The following ATP9A variants were observed in gnomAD, a reference collection of about 807,000 sequenced individuals.
The protein encoded by ATP9A is probable phospholipid-transporting ATPase IIA.
Under a neutral mutation model 144.1 loss-of-function variants are expected in ATP9A, and 52 were observed. The ratio of observed to expected loss-of-function variants is 0.36; its 90% CI spans 0.29 to 0.45. The LOEUF (loss-of-function observed/expected upper bound fraction) is 0.45. ATP9A is among the 20% of genes least tolerant of loss of function. The probability of loss-of-function intolerance (pLI) is 1.00; values close to 1 mark genes in which losing one functional copy is unlikely to be tolerated. For missense variants in ATP9A, 947 were observed against 1,392.7 expected, an observed-to-expected ratio of 0.68 and a Z score of 5.09; for synonymous variants, 582 against 557.4, an observed-to-expected ratio of 1.04 and a Z score of -0.62.
At chr20:51,641,540 C>T (rs371156002) in intron 14 of ATP9A, among the ~76,000 whole-genome samples, 3 of 150,018 alleles carry the variant, frequency 2.0e-5, no homozygotes, top group Non-Finnish European at 3.0e-5. Flanking sequence ...TAGAGCCGGG[C>T]GCGGTGGCTC....
intron 19 of ATP9A, among the ~76,000 whole-genome samples, chr20:51,620,792 G>A (rs375458935): frequency 1.3e-5 from 2 of 152,156 alleles, no homozygotes; most frequent in Non-Finnish European, 2.9e-5. Context: ...CTGAAAGGAG[G>A]GGGGAGTGCG....
chr20:51,726,889 C>CTTTTTTTTTTTTTTTTTTTTTTTTTTTT (rs55719132), intron 2 of ATP9A, among the ~76,000 whole-genome samples: 1 of 93,984 alleles, frequency 1.1e-5, no homozygotes, highest in Non-Finnish European at 2.0e-5. Context: ...TGTGTTATTT[C>CTTTTTTTTTTTTTTTTTTTTTTTTTTTT]TTTTTTTTTT....
chr20:51,715,840 G>A (rs565293475), intron 3 of ATP9A, among the ~76,000 whole-genome samples: 1 of 152,324 alleles, frequency 6.6e-6, no homozygotes, highest in African/African-American at 2.4e-5. Flanking sequence ...AATGGGCAGG[G>A]GAAGGGGGGC....
At position 51,597,530 on chromosome 20, in the gene ATP9A, T is replaced by C. The variant is rs954782032; in HGVS notation, c.*3681A>G. ...TAGATGACATCATTCTCTCGCTCTT[T>C]CACACACACACACACCCCCCACACA... On this transcript the variant is annotated 3_prime_UTR_variant, in exon 28 of 28. Transcript: ENST00000338821. 1.3e-5 allele frequency: 2 copies of C among 151,364 alleles called. No individual in the cohort carries two copies. The highest frequency in any genetic ancestry group is 4.8e-5 in the African/African-American group (2 of 41,246). 9.4% of individuals were successfully genotyped at this position (151,364 alleles called of 1,614,324 possible). A position where few individuals can be genotyped will look rare whatever the true frequency, so the allele number is the denominator to read the frequency against.
At chr20:51,765,127 A>C (rs2077898032) in intron 1 of ATP9A, among the ~76,000 whole-genome samples, 1 of 152,014 alleles carries the variant, frequency 6.6e-6, no homozygotes, top group South Asian at 2.1e-4. Context: ...ATTACATATT[A>C]CTTTTTTCTT....
At chr20:51,605,936 C>T (rs2122706041) in intron 26 of ATP9A, among the ~76,000 whole-genome samples, 1 of 151,484 alleles carries the variant, frequency 6.6e-6, no homozygotes, top group South Asian at 2.1e-4. Flanking sequence ...AGAATAAACC[C>T]CAATAGGAGA....
chr20:51,642,409 C>A lies in ATP9A; in HGVS notation c.1507-2905G>T, dbSNP rs115986379. Among the ~76,000 whole-genome samples, 667 of 152,156 alleles carry A rather than the reference C, an allele frequency of 4.4e-3. 6 individuals carry two copies. The highest frequency in any genetic ancestry group is 0.015 in the African/African-American group (615 of 41,506). On this transcript the variant is annotated intron_variant, in intron 14 of 27. Transcript: ENST00000338821. ...ATCTCAAGTGATCCACCTGCTTCAA[C>A]CTCCCTCCCAAAGTGCTGGGATTAC...
intron 1 of ATP9A, among the ~76,000 whole-genome samples, chr20:51,747,078 A>T: frequency 6.7e-6 from 1 of 149,692 alleles, no homozygotes; most frequent in Non-Finnish European, 1.5e-5. Flanking sequence ...TTCTAAATAC[A>T]TCTAAGGTCT....
intron 20 of ATP9A, 69 bp from the exon 21 acceptor site, chr20:51,618,875 G>T: frequency 6.3e-7 from 1 of 1,589,682 alleles, no homozygotes; most frequent in Non-Finnish European, 8.6e-7. Context: ...GGTCGCTGCC[G>T]AGCCTGCAGT....
At chr20:51,664,161 TGA>T (rs1217375683) in intron 13 of ATP9A, among the ~76,000 whole-genome samples, 4 of 150,706 alleles carry the variant, frequency 2.7e-5, no homozygotes, top group Non-Finnish European at 5.9e-5. Flanking sequence ...ATTACAGGCA[TGA>T]GCTACCACGC....
rs766640594 is a variant in ATP9A at position 51,622,191 on chromosome 20, AGAGGTCC to A, written c.2017-26_2017-20del. ...TCCAAACCTGAAATCATGGCGTGAC[AGAGGTCC>A]TGTTTATTAGTTTTTGAGGCCGGCC... On this transcript the variant is annotated intron_variant, in intron 18 of 27. Transcript: ENST00000338821. The A allele has an allele frequency of 6.2e-7, 1 of 1,607,826 alleles. No homozygotes were observed. Among genetic ancestry groups the A allele is most frequent in the South Asian group, 1.1e-5 (1 of 90,918 alleles).
At chr20:51,603,046 C>A (rs1223924564) in intron 27 of ATP9A, among the ~76,000 whole-genome samples, 1 of 147,382 alleles carries the variant, frequency 6.8e-6, no homozygotes, top group East Asian at 2.0e-4. Context: ...AGGTTTCCCA[C>A]GGAGGATGGG....
intron 22 of ATP9A, among the ~76,000 whole-genome samples, chr20:51,617,283 A>C (rs976534398): frequency 8.5e-5 from 13 of 152,166 alleles, no homozygotes; most frequent in African/African-American, 3.1e-4. Flanking sequence ...AGGTCGTGGC[A>C]AACAAAAAGC....
At chr20:51,690,232 A>G (rs990629901) in intron 8 of ATP9A, among the ~76,000 whole-genome samples, 2 of 151,836 alleles carry the variant, frequency 1.3e-5, no homozygotes, top group East Asian at 1.9e-4. Context: ...CATCCTGGCT[A>G]ACACCGTGAA....
chr20:51,602,176 C>T (rs753513449), intron 27 of ATP9A, among the ~76,000 whole-genome samples: 9 of 151,634 alleles, frequency 5.9e-5, no homozygotes, highest in East Asian at 1.9e-4. Context: ...GTGGGGGGGG[C>T]GGGCGTACTG....
chr20:51,727,432 A>G (rs1349915225), intron 2 of ATP9A, among the ~76,000 whole-genome samples: 1 of 151,980 alleles, frequency 6.6e-6, no homozygotes, highest in African/African-American at 2.4e-5. Context: ...CAAAAAATAC[A>G]AATATTAGCC....
intron 19 of ATP9A, among the ~76,000 whole-genome samples, chr20:51,621,839 G>A (rs535475767): frequency 3.3e-5 from 5 of 152,154 alleles, no homozygotes; most frequent in African/African-American, 9.7e-5. Flanking sequence ...AAGGTTAAGA[G>A]CATGGCATTA....
At position 51,630,443 on chromosome 20, in the gene ATP9A, C is replaced by G. The variant is rs149675440; in HGVS notation, c.1669-1371G>C. On this transcript the variant is annotated intron_variant, in intron 15 of 27. Coordinates refer to ENST00000338821, the MANE Select transcript of ATP9A (RefSeq NM_006045.3). The stretch of plus-strand genomic sequence containing the variant: ...TCAAGCTGGGTGTGGTGGCTCACGC[C>G]TGTAGTCCCAACACTTTGGGAGGCT... 4.4e-3 allele frequency among the ~76,000 whole-genome samples: 664 copies of G among 152,132 alleles called. 6 individuals carry two copies. The highest frequency in any genetic ancestry group is 0.015 in the African/African-American group (612 of 41,496).
rs772837443 is a variant in ATP9A, at chr20:51,639,481, T to C, written c.1530A>G (p.Glu510=). 1 of 1,612,450 alleles carries C rather than the reference T, an allele frequency of 6.2e-7. No homozygotes were observed. Among genetic ancestry groups the C allele is most frequent in the Admixed American group, 1.7e-5 (1 of 59,654 alleles). ...GGCCCACCAGGGTTAAGCCCACACT[T>C]TCCGTCCACTGTACCAGGGCCACCT... The part of the protein sequence containing the change: ...PDEVALVQWT[E]SVGLTLVGRD... Residue 510 remains glutamate (E), a synonymous_variant, in exon 15 of 28, where the codon GAA becomes GAG. Transcript: ENST00000338821.
Sources: gnomAD v4.1 joint callset for allele counts (sites outside exome capture counted in the v4.1 genomes callset) on GRCh38, gnomAD v4.1.1 for gene constraint, MANE v1.5 for transcripts, NCBI Gene and HGNC (gene_info 2026-07-23, HGNC 2026-07-21) for gene names.